The following SPSB4 variants were observed in gnomAD, a reference collection of about 807,000 sequenced individuals.
SPSB4 encodes the protein SPRY domain-containing SOCS box protein 4.
In SPSB4, 21 loss-of-function variants were observed where a neutral mutation model predicts 20.9. That is an observed-to-expected ratio of 1.01 (90% confidence interval 0.71 to 1.45). SPSB4 has a LOEUF of 1.45. Ranked by LOEUF, SPSB4 falls within the 40% of genes most tolerant of loss-of-function variation. The pLI is 0.00. For synonymous variants in SPSB4, 207 were observed against 183.8 expected (o/e 1.13, Z -1.02); for missense variants, 399 against 399.2 (o/e 1.00, Z 0.00).
intron 2 of SPSB4, among the ~76,000 whole-genome samples, chr3:141,102,247 G>A (rs1053988771): frequency 3.3e-5 from 5 of 152,198 alleles, no homozygotes; most frequent in Non-Finnish European, 4.4e-5. Flanking sequence ...TACAGAGCAG[G>A]TACTGTGGCC....
intron 2 of SPSB4, among the ~76,000 whole-genome samples, chr3:141,127,796 C>T (rs1041070591): frequency 6.6e-6 from 1 of 152,212 alleles, no homozygotes; most frequent in Admixed American, 6.5e-5. Context: ...GGGCTCCCAG[C>T]TGCCTAGCTG....
intron 1 of SPSB4, among the ~76,000 whole-genome samples, chr3:141,059,618 CA>C (rs1316959702): frequency 6.6e-6 from 1 of 152,152 alleles, no homozygotes; most frequent in Non-Finnish European, 1.5e-5. Context: ...CAGCTCCCAC[CA>C]GGCCTCACCT....
At chr3:141,058,384 C>T (rs1576512897) in intron 1 of SPSB4, among the ~76,000 whole-genome samples, 1 of 152,180 alleles carries the variant, frequency 6.6e-6, no homozygotes, top group East Asian at 1.9e-4. Context: ...AGAGCAGATC[C>T]TTCTGGATAA....
At chr3:141,132,945 C>T (rs1939161082) in intron 2 of SPSB4, among the ~76,000 whole-genome samples, 1 of 150,280 alleles carries the variant, frequency 6.7e-6, no homozygotes, top group African/African-American at 2.5e-5. Context: ...ATTTTCACCA[C>T]ATCTACACAA....
At chr3:141,134,057 T>TTTTTTTTTTTTTTTTTTTTC (rs1939186010) in intron 2 of SPSB4, among the ~76,000 whole-genome samples, 4 of 64,088 alleles carry the variant, frequency 6.2e-5, no homozygotes, top group African/African-American at 9.0e-5. Flanking sequence ...TTCTTTTTTC[T>TTTTTTTTTTTTTTTTTTTTC]TTTTTTTTTT....
intron 2 of SPSB4, among the ~76,000 whole-genome samples, chr3:141,134,056 CTTTTTTTTTT>C (rs1222303281): frequency 3.2e-5 from 2 of 61,632 alleles, no homozygotes; most frequent in South Asian, 1.3e-3. Context: ...TTTCTTTTTT[CTTTTTTTTTT>C]TTTTTTTTTG....
intron 1 of SPSB4, among the ~76,000 whole-genome samples, chr3:141,064,368 C>T (rs1559838376): frequency 6.6e-6 from 1 of 152,172 alleles, no homozygotes; most frequent in Non-Finnish European, 1.5e-5. Context: ...AAAGGAGTAA[C>T]TTTATTCTGC....
chr3:141,083,164 G>GACC (rs1938272514), intron 2 of SPSB4, among the ~76,000 whole-genome samples: 1 of 152,184 alleles, frequency 6.6e-6, no homozygotes, highest in Non-Finnish European at 1.5e-5. Context: ...TGAGCTGTGT[G>GACC]ACCTGTGTCC....
intron 2 of SPSB4, among the ~76,000 whole-genome samples, chr3:141,133,696 TG>T (rs1199514539): frequency 1.3e-5 from 2 of 152,206 alleles, no homozygotes; most frequent in African/African-American, 4.8e-5. Flanking sequence ...ACTATAGCCT[TG>T]TAGTATAAAG....
rs745880909 is a variant in SPSB4 at position 141,066,670 on chromosome 3, G to T, written c.566G>T (p.Ser189Ile). The change falls in exon 2 of 3, where the codon AGC (serine) becomes ATC (isoleucine). Residue 189 changes from serine to isoleucine, a missense_variant. Ser to Ile is a moderately radical substitution (Grantham distance 142, BLOSUM62 -2). Coordinates refer to ENST00000310546, the MANE Select transcript of SPSB4 (RefSeq NM_080862.3). The stretch of plus-strand genomic sequence containing the variant: ...CTGGACATGGATGAGGGCACACTCA[G>T]CTTCATCGTGGATGGCCAGTACCTG... The part of the protein sequence containing the change: ...VVLDMDEGTL[S>I]FIVDGQYLGV... 14 of 1,613,356 alleles carry T rather than the reference G, an allele frequency of 8.7e-6. No homozygotes were observed. The highest frequency in any genetic ancestry group is 1.0e-5 in the Non-Finnish European group (12 of 1,179,804).
At chr3:141,121,644 C>T (rs931210930) in intron 2 of SPSB4, among the ~76,000 whole-genome samples, 8 of 152,264 alleles carry the variant, frequency 5.3e-5, no homozygotes, top group African/African-American at 9.6e-5. Flanking sequence ...CTTGTCTTCT[C>T]GCTTTATTTC....
chr3:141,143,157 T>G (rs560030469), intron 2 of SPSB4, among the ~76,000 whole-genome samples: 3 of 152,252 alleles, frequency 2.0e-5, no homozygotes, highest in Non-Finnish European at 4.4e-5. Context: ...TAAAACCTGT[T>G]TTGTCTGTTA....
intron 2 of SPSB4, among the ~76,000 whole-genome samples, chr3:141,076,094 C>A (rs564969678): frequency 6.6e-6 from 1 of 151,932 alleles, no homozygotes; most frequent in Non-Finnish European, 1.5e-5. Flanking sequence ...AAATAAAATG[C>A]GTATTCCTCT....
At chr3:141,137,833 AT>A (rs906797171) in intron 2 of SPSB4, among the ~76,000 whole-genome samples, 2 of 152,300 alleles carry the variant, frequency 1.3e-5, no homozygotes, top group Admixed American at 1.3e-4. Context: ...TGGTATCAGG[AT>A]GATGCTGGCC....
rs561045582 is a variant in SPSB4, at chr3:141,105,628, CT to C, written c.694+38831del. 4.2e-3 allele frequency among the ~76,000 whole-genome samples: 633 copies of C among 152,290 alleles called. 2 individuals are homozygous for C. Among genetic ancestry groups the C allele is most frequent in the African/African-American group, 0.012 (513 of 41,560 alleles). On this transcript the variant is annotated intron_variant, in intron 2 of 2. Transcript: ENST00000310546. The stretch of plus-strand genomic sequence containing the variant: ...GAAGTGACTTGCCGAAGACATACAG[CT>C]AATACACGGCAGAGTTGAATTTCAA...
intron 2 of SPSB4, among the ~76,000 whole-genome samples, chr3:141,076,524 G>A (rs931121382): frequency 1.3e-5 from 2 of 152,190 alleles, no homozygotes; most frequent in Non-Finnish European, 2.9e-5. Flanking sequence ...CAGCTCCACC[G>A]CCCTGCACAA....
chr3:141,126,129 C>A (rs1311613755), intron 2 of SPSB4, among the ~76,000 whole-genome samples: 3 of 152,164 alleles, frequency 2.0e-5, no homozygotes, highest in Admixed American at 2.0e-4. Flanking sequence ...CAGAACTGAC[C>A]AGATGCTTAG....
intron 2 of SPSB4, among the ~76,000 whole-genome samples, chr3:141,139,842 TTG>T (rs1274618445): frequency 9.2e-5 from 14 of 152,304 alleles, no homozygotes; most frequent in Non-Finnish European, 1.9e-4. Context: ...AGGAGTATCT[TTG>T]TGGCGTTCTC....
chr3:141,082,373 AT>A (rs1173460169), intron 2 of SPSB4, among the ~76,000 whole-genome samples: 3 of 152,092 alleles, frequency 2.0e-5, no homozygotes, highest in Admixed American at 2.0e-4. Flanking sequence ...GGGAGGTGGC[AT>A]TTCTGGCTGA....
Sources: allele counts gnomAD v4.1 joint callset (sites outside exome capture counted in the v4.1 genomes callset), GRCh38; gene constraint gnomAD v4.1.1; transcripts MANE v1.5; gene names NCBI Gene and HGNC (gene_info 2026-07-23, HGNC 2026-07-21).